Variants in CASP1 observed in about 807,000 individuals in gnomAD.
CASP1 encodes caspase 1.
CASP1 carries 31 observed loss-of-function variants against 41.2 expected under a neutral mutation model. The ratio of observed to expected loss-of-function variants is 0.75; its 90% CI spans 0.57 to 1.02. CASP1 has a LOEUF of 1.02. CASP1 is among the 50% of genes least tolerant of loss of function. The pLI is 0.00. For missense variants in CASP1, 490 were observed against 495.7 expected (o/e 0.99, Z 0.11); for synonymous variants, 163 against 166.5 (o/e 0.98, Z 0.16).
intron 2 of CASP1, 26 bp downstream of exon 2, chr11:105,034,182 C>T: frequency 6.2e-7 from 1 of 1,613,766 alleles, no homozygotes; most frequent in Non-Finnish European, 8.5e-7. Flanking sequence ...CCTAGGTGAA[C>T]TTGAGTGTAA....
In CASP1 at chr11:105,028,427, T is replaced by C. The variant is rs1015556214; in HGVS notation, c.1006+697A>G. ...TAACTGAATTAAGTTATCAAATATA[T>C]ACATTTTAAATAATAGCAGTTTTTT... is the stretch of plus-strand genomic sequence containing the variant. On this transcript the variant is annotated intron_variant, in intron 7 of 8. Transcript: ENST00000533400. Among the ~76,000 whole-genome samples, 8 of 152,268 alleles carry C rather than the reference T, an allele frequency of 5.3e-5. No homozygotes were observed. In the East Asian group the frequency reaches 1.5e-3, roughly 29 times the overall value.
At chr11:105,028,241 T>C (rs1271572235) in intron 7 of CASP1, among the ~76,000 whole-genome samples, 1 of 152,120 alleles carries the variant, frequency 6.6e-6, no homozygotes, top group Non-Finnish European at 1.5e-5. Flanking sequence ...TGAAAGAAGA[T>C]ATCTCATTTT....
chr11:105,029,403 G>T (rs965342329), intron 6 of CASP1, 136 bp from the exon 7 acceptor site: 1 of 742,574 alleles, frequency 1.3e-6, no homozygotes, highest in Non-Finnish European at 2.2e-6. Flanking sequence ...ATGCATTTCA[G>T]TTACAATCTT....
At chr11:105,032,150 T>C (rs1439625068) in intron 3 of CASP1, among the ~76,000 whole-genome samples, 1 of 152,118 alleles carries the variant, frequency 6.6e-6, no homozygotes, top group Non-Finnish European at 1.5e-5. Context: ...ATTTGAAAAA[T>C]TGTTATACAA....
At chr11:105,033,699 C>T (rs947802445) in intron 2 of CASP1, among the ~76,000 whole-genome samples, 3 of 152,230 alleles carry the variant, frequency 2.0e-5, no homozygotes, top group Non-Finnish European at 2.9e-5. Flanking sequence ...TAGAAATCTT[C>T]ACTTTTCTAT....
At chr11:105,026,436 A>T in intron 8 of CASP1, 80 bp from the exon 9 acceptor site, 1 of 854,756 alleles carries the variant, frequency 1.2e-6, no homozygotes, top group Admixed American at 2.1e-5. Flanking sequence ...ATGCCAAAAA[A>T]CTACAACAAA....
chr11:105,026,652 A>T, intron 8 of CASP1, 190 bp downstream of exon 8: 1 of 602,890 alleles, frequency 1.7e-6, no homozygotes. Context: ...TTGTTTTCTC[A>T]AGGCTGTGGG....
At chr11:105,032,037 A>G (rs1863730140) in intron 3 of CASP1, among the ~76,000 whole-genome samples, 1 of 152,214 alleles carries the variant, frequency 6.6e-6, no homozygotes, top group Admixed American at 6.6e-5. Flanking sequence ...TGTTAAAGAA[A>G]TTAATGTAAC....
intron 3 of CASP1, among the ~76,000 whole-genome samples, chr11:105,032,179 G>A (rs764297115): frequency 5.9e-5 from 9 of 152,100 alleles, no homozygotes; most frequent in Non-Finnish European, 1.2e-4. Flanking sequence ...ATAAACAAAG[G>A]CAGCATGAAA....
intron 4 of CASP1, 183 bp downstream of exon 4, chr11:105,030,982 A>G (rs879222015): frequency 1.8e-6 from 1 of 553,652 alleles, no homozygotes; most frequent in Non-Finnish European, 3.3e-6. Flanking sequence ...AGTGGATCCA[A>G]TTTGGACCTC....
upstream of CASP1, among the ~76,000 whole-genome samples, chr11:105,035,618 G>GTTTTGTTTTTTTTTTTT (rs1555005464): frequency 9.7e-6 from 1 of 103,438 alleles, no homozygotes; most frequent in Non-Finnish European, 1.8e-5. Context: ...TTTTCTTTCT[G>GTTTTGTTTTTTTTTTTT]TTTTTTTTTT....
chr11:105,035,378 A>G (rs575102051), upstream of CASP1: 1 of 484,274 alleles, frequency 2.1e-6, no homozygotes, highest in South Asian at 3.2e-5. Flanking sequence ...GTATGTGTAC[A>G]ATTAAATTCA....
rs781661571 is a variant in CASP1 at position 105,029,735 on chromosome 11, C to T, written c.792G>A (p.Met264Ile). The T allele has an allele frequency of 2.5e-6, 4 of 1,613,698 alleles. No individual in the cohort carries two copies. The highest frequency in any genetic ancestry group is 2.5e-6 in the Non-Finnish European group (3 of 1,179,746). Residue 264 changes from methionine to isoleucine, a missense_variant, in exon 6 of 9, where the codon ATG (methionine) becomes ATA (isoleucine). Transcript: ENST00000533400. Reference sequence around the variant, plus strand: ...AACTTGGGCAGTTCTTGGTATTCAACATGTTAAAGATTGCATTGAGTTGTA... The same window carrying T: ...AACTTGGGCAGTTCTTGGTATTCAATATGTTAAAGATTGCATTGAGTTGTA... ...DILQLNAIFN[M>I]LNTKNCPSLK...
intron 2 of CASP1, 87 bp downstream of exon 2, chr11:105,034,121 T>C (rs1863869325): frequency 1.2e-6 from 2 of 1,608,336 alleles, no homozygotes; most frequent in South Asian, 2.2e-5. Flanking sequence ...AAAGTTTTCT[T>C]CCAATTAACA....
In CASP1 at chr11:105,026,231, C is replaced by T. The variant is rs772809418; in HGVS notation, c.*27G>A. The T allele has an allele frequency of 1.4e-6, 2 of 1,428,494 alleles. No homozygotes were observed. The highest frequency in any genetic ancestry group is 4.5e-5 in the East Asian group (2 of 43,962). 88.5% of individuals were successfully genotyped at this position (1,428,494 alleles called of 1,614,324 possible). A position where few individuals can be genotyped will look rare whatever the true frequency, so the allele number is the denominator to read the frequency against. On this transcript the variant is annotated 3_prime_UTR_variant, in exon 9 of 9. Transcript: ENST00000533400. Reference sequence around the variant, plus strand: ...TCCCGACCATACACATGTACCTGCCCACAGACATTCATACAGTTTCCTTAT... The same window carrying T: ...TCCCGACCATACACATGTACCTGCCTACAGACATTCATACAGTTTCCTTAT...
chr11:105,036,548 C>T (rs1441593637), upstream of CASP1, among the ~76,000 whole-genome samples: 1 of 152,110 alleles, frequency 6.6e-6, no homozygotes, highest in East Asian at 1.9e-4. Flanking sequence ...ATGAATGTCT[C>T]ATGAGATCCG....
At chr11:105,027,878 A>G (rs919905890) in intron 7 of CASP1, among the ~76,000 whole-genome samples, 3 of 152,108 alleles carry the variant, frequency 2.0e-5, no homozygotes, top group Non-Finnish European at 4.4e-5. Context: ...CAGAATGTGG[A>G]GATAGGTTTA....
chr11:105,030,594 C>G, intron 4 of CASP1, 91 bp from the exon 5 acceptor site: 1 of 1,085,638 alleles, frequency 9.2e-7, no homozygotes, highest in Non-Finnish European at 1.3e-6. Context: ...TTCCTTAGTC[C>G]TATCAAGATA....
Position 105,026,430 on chromosome 11 carries a change from C to CA in CASP1, c.1117-75dup, listed in dbSNP as rs1863290036. ...TTTTCAAGAATTTCTTGAGTTATGC[C>CA]AAAAAACTACAACAAATATAGCAAA... is the stretch of plus-strand genomic sequence containing the variant. On this transcript the variant is annotated intron_variant, in intron 8 of 8. Transcript: ENST00000533400. The CA allele has an allele frequency of 3.5e-6, 3 of 866,402 alleles. No homozygotes were observed. In the South Asian group the frequency reaches 4.3e-5, roughly 13 times the overall value. The allele number at this position is 866,402 out of a possible 1,614,324, so 53.7% of individuals were successfully genotyped here. A position where few individuals can be genotyped will look rare whatever the true frequency, so the allele number is the denominator to read the frequency against.
Sources: gnomAD v4.1 joint callset for allele counts (sites outside exome capture counted in the v4.1 genomes callset) on GRCh38, gnomAD v4.1.1 for gene constraint, MANE v1.5 for transcripts, NCBI Gene and HGNC (gene_info 2026-07-23, HGNC 2026-07-21) for gene names.